The following VAT1L variants were observed in gnomAD, a reference collection of about 807,000 sequenced individuals.
VAT1L encodes the protein vesicle amine transport 1 like.
VAT1L carries 34 observed loss-of-function variants against 44.1 expected under a neutral mutation model. That is an observed-to-expected ratio of 0.77 (90% CI 0.59 to 1.03). The LOEUF (loss-of-function observed/expected upper bound fraction) is 1.03, where lower values mean the gene tolerates loss of function less well. Among genes scored for constraint, VAT1L ranks in the 50% least tolerant of loss-of-function variants. The pLI, the probability that VAT1L is intolerant of heterozygous loss-of-function variation, is 0.00. For synonymous variants in VAT1L, 253 were observed against 202.2 expected, an observed-to-expected ratio of 1.25 and a Z score of -2.13; for missense variants, 615 against 538.8, an observed-to-expected ratio of 1.14 and a Z score of -1.40.
intron 2 of VAT1L, among the ~76,000 whole-genome samples, chr16:77,820,633 G>A (rs1266694147): frequency 6.6e-6 from 1 of 152,124 alleles, no homozygotes; most frequent in Non-Finnish European, 1.5e-5. Flanking sequence ...GAGCTCTGCA[G>A]AGAGACAGAT....
At chr16:77,876,064 A>T (rs77547458) in intron 4 of VAT1L, among the ~76,000 whole-genome samples, 2,965 of 152,322 alleles carry the variant, frequency 0.019, 97 homozygotes, top group African/African-American at 0.067. Flanking sequence ...AAGCTAGAGA[A>T]TTTGAGTAAA....
intron 1 of VAT1L, chr16:77,799,961 T>G (rs2016017136): frequency 6.6e-6 from 1 of 152,130 alleles, no homozygotes; most frequent in African/African-American, 2.4e-5. Flanking sequence ...TTACTGACTT[T>G]CTAGTAAACA....
In VAT1L at chr16:77,819,760, G is replaced by A. The variant is rs180708555; in HGVS notation, c.363+2710G>A. ...TGGGACACTCACTGACAGTGGGACA[G>A]CCTCTCTTACCCCAGTTTCCTCCTT... On this transcript the variant is annotated intron_variant, in intron 2 of 8. Transcript: ENST00000302536. Among the ~76,000 whole-genome samples, 30 of 152,336 alleles carry A rather than the reference G, an allele frequency of 2.0e-4. No individual in the cohort carries two copies. The East Asian group carries it at 5.6e-3, about 28-fold the overall frequency.
At chr16:77,803,652 C>T (rs1224755468) in intron 1 of VAT1L, among the ~76,000 whole-genome samples, 4 of 152,050 alleles carry the variant, frequency 2.6e-5, no homozygotes, top group Admixed American at 6.6e-5. Flanking sequence ...ATTTCCTGAC[C>T]TCGTGATCCG....
chr16:77,863,549 T>C (rs755546849), intron 4 of VAT1L, among the ~76,000 whole-genome samples: 8 of 152,164 alleles, frequency 5.3e-5, no homozygotes, highest in Non-Finnish European at 1.0e-4. Flanking sequence ...CCTGTATAGA[T>C]AGCACCTCTC....
At position 77,946,276 on chromosome 16, in the gene VAT1L, G is replaced by GCTCTTTTTTTTT. The variant is rs1441996306; in HGVS notation, c.1078-25574_1078-25573insCTCTTTTTTTTT. ...CCTGTTCTGGACATCTAGGTTACTTGTTCTTTTTTTTTTTTTTTTTTTTTT... is the reference window on the plus strand; with the variant it reads ...CCTGTTCTGGACATCTAGGTTACTTGCTCTTTTTTTTTTTCTTTTTTTTTTTTTTTTTTTTTT... On this transcript the variant is annotated intron_variant, in intron 7 of 8. Transcript: ENST00000302536. Among the ~76,000 whole-genome samples, 78 of 33,828 alleles carry GCTCTTTTTTTTT rather than the reference G, an allele frequency of 2.3e-3. 2 individuals carry two copies. Among genetic ancestry groups the GCTCTTTTTTTTT allele is most frequent in the Non-Finnish European group, 3.6e-3 (64 of 17,608 alleles). The allele number at this position is 33,828 out of a possible 152,430, so 22.2% of individuals were successfully genotyped here.
At chr16:77,892,563 A>G in intron 7 of VAT1L, 3 of 605,690 alleles carry the variant, frequency 5.0e-6, no homozygotes, top group Non-Finnish European at 9.7e-6. Context: ...GGATTTGGTT[A>G]TAAGGGTTCA....
At chr16:77,971,669 G>T (rs769769540) in intron 7 of VAT1L, among the ~76,000 whole-genome samples, 181 bp from the exon 8 acceptor site, 2 of 152,168 alleles carry the variant, frequency 1.3e-5, no homozygotes, top group Admixed American at 1.3e-4. Context: ...AGATCAGTGT[G>T]TGTGAATGGC....
intron 7 of VAT1L, among the ~76,000 whole-genome samples, chr16:77,901,371 A>G (rs1597090269): frequency 6.6e-6 from 1 of 151,890 alleles, no homozygotes; most frequent in Non-Finnish European, 1.5e-5. Flanking sequence ...TCACCGTGTT[A>G]GCCAGGATGG....
chr16:77,802,105 C>G (rs1388655014), intron 1 of VAT1L, among the ~76,000 whole-genome samples: 1 of 152,226 alleles, frequency 6.6e-6, no homozygotes, highest in Non-Finnish European at 1.5e-5. Flanking sequence ...AATTTTCACC[C>G]TCCCACCGCT....
intron 7 of VAT1L, among the ~76,000 whole-genome samples, chr16:77,912,685 G>A (rs2017511374): frequency 1.3e-5 from 2 of 152,032 alleles, no homozygotes; most frequent in African/African-American, 4.8e-5. Flanking sequence ...AGTATCTCTT[G>A]ACCTCACCCC....
chr16:77,801,027 C>G (rs1220699174), intron 1 of VAT1L: 1 of 152,144 alleles, frequency 6.6e-6, no homozygotes, highest in Non-Finnish European at 1.5e-5. Flanking sequence ...TGGGGTTTTG[C>G]TATGTTGGCC....
At chr16:77,834,268 C>A (rs1013268889) in intron 3 of VAT1L, among the ~76,000 whole-genome samples, 4 of 152,188 alleles carry the variant, frequency 2.6e-5, no homozygotes, top group African/African-American at 9.7e-5. Context: ...GACTTGCAGC[C>A]TCTGTAAGGT....
Position 77,788,909 on chromosome 16 carries a change from A to C in VAT1L, c.227A>C (p.Lys76Thr). The change falls in exon 1 of 9, where the codon AAA becomes ACA. Residue 76 changes from lysine (K) to threonine (T), a missense_variant. Physicochemically the swap from Lys to Thr is moderately conservative, Grantham distance 78. Transcript: ENST00000302536. ...GACGGCGAGCTCAAGATCCGCGTCA[A>C]AGCCTGGTCCAGTATCCGCGCCTTT... ...PQDGELKIRV[K>T]ACGLNFIDLM... 6.6e-7 allele frequency: 1 copy of C among 1,522,024 alleles called. No homozygotes were observed. The highest frequency in any genetic ancestry group is 8.8e-7 in the Non-Finnish European group (1 of 1,136,286). 94.3% of individuals were successfully genotyped at this position (1,522,024 alleles called of 1,614,324 possible). A position where few individuals can be genotyped will look rare whatever the true frequency, so the allele number is the denominator to read the frequency against.
intron 7 of VAT1L, among the ~76,000 whole-genome samples, chr16:77,910,262 G>T (rs1378153751): frequency 6.6e-6 from 1 of 152,140 alleles, no homozygotes; most frequent in Non-Finnish European, 1.5e-5. Context: ...TCTTTTTCTC[G>T]TGAAGGGACA....
chr16:77,818,700 G>T (rs527619227), intron 2 of VAT1L, among the ~76,000 whole-genome samples: 6 of 152,126 alleles, frequency 3.9e-5, no homozygotes, highest in Non-Finnish European at 8.8e-5. Context: ...TTGCTAATTT[G>T]CCCTGGCTTG....
chr16:77,909,636 C>CAAAAA (rs35074692), intron 7 of VAT1L, among the ~76,000 whole-genome samples: 1 of 87,326 alleles, frequency 1.1e-5, no homozygotes, highest in African/African-American at 4.4e-5. Context: ...GACTCTGTCT[C>CAAAAA]AAAAAAAAAA....
At chr16:77,926,063 C>A (rs921572465) in intron 7 of VAT1L, among the ~76,000 whole-genome samples, 1 of 149,882 alleles carries the variant, frequency 6.7e-6, no homozygotes, top group Non-Finnish European at 1.5e-5. Flanking sequence ...GAGATCGAGA[C>A]CATCCTGGCT....
chr16:77,833,993 A>G (rs2016611600), intron 3 of VAT1L, among the ~76,000 whole-genome samples: 1 of 152,118 alleles, frequency 6.6e-6, no homozygotes, highest in South Asian at 2.1e-4. Flanking sequence ...TGCAGCAGCT[A>G]TTCAACAGGC....
Sources: allele counts gnomAD v4.1 joint callset (sites outside exome capture counted in the v4.1 genomes callset), GRCh38; gene constraint gnomAD v4.1.1; transcripts MANE v1.5; gene names NCBI Gene and HGNC (gene_info 2026-07-23, HGNC 2026-07-21).